The following EEF1D variants were observed in gnomAD, a reference collection of about 807,000 sequenced individuals.
The protein encoded by EEF1D is elongation factor 1-delta.
Under a neutral mutation model 63.9 loss-of-function variants are expected in EEF1D, and 47 were observed. The ratio of observed to expected loss-of-function variants is 0.74; its 90% confidence interval spans 0.58 to 0.94. The LOEUF (loss-of-function observed/expected upper bound fraction) is 0.94, where lower values mean the gene tolerates loss of function less well. Among genes scored for constraint, EEF1D ranks in the 40% least tolerant of loss-of-function variants. The pLI is 0.00. For missense variants in EEF1D, 907 were observed against 899.0 expected, an observed-to-expected ratio of 1.01 and a Z score of -0.11; for synonymous variants, 412 against 386.1, an observed-to-expected ratio of 1.07 and a Z score of -0.79.
chr8:143,592,099 C>A, intron 2 of EEF1D: 1 of 985,180 alleles, frequency 1.0e-6, no homozygotes, highest in Non-Finnish European at 1.2e-6. Context: ...CAAGGCCAGG[C>A]TGATGGGCAG....
chr8:143,593,846 G>C (rs1179779317), intron 1 of EEF1D: 6 of 985,142 alleles, frequency 6.1e-6, no homozygotes, highest in Admixed American at 6.2e-5. Context: ...TCATTTCCCC[G>C]CTTCCCGCAT....
At chr8:143,582,998 C>G (rs892595586) in intron 5 of EEF1D, 1 of 152,280 alleles carries the variant, frequency 6.6e-6, no homozygotes, top group Non-Finnish European at 1.5e-5. Flanking sequence ...CTGCCATGGG[C>G]TGAATAATGT....
At position 143,580,385 on chromosome 8, in the gene EEF1D, C is replaced by T; in HGVS notation, c.1710+121G>A. On this transcript the variant is annotated intron_variant, in intron 8 of 9. Coordinates refer to ENST00000618139, the MANE Select transcript of EEF1D (RefSeq NM_001130053.5). ...CAAGTTTGTGTTTATCCCAAGACTT[C>T]TAAACTCGGCTTTAAAGTCTCCCCA... 3 of 1,334,486 alleles carry T rather than the reference C, an allele frequency of 2.2e-6. No individual in the cohort carries two copies. The Admixed American group carries it at 6.7e-5, about 30-fold the overall frequency. 82.7% of individuals were successfully genotyped at this position (1,334,486 alleles called of 1,614,324 possible).
chr8:143,597,280 C>T (rs1470460652), intron 1 of EEF1D, 68 bp downstream of exon 1: 1 of 152,170 alleles, frequency 6.6e-6, no homozygotes, highest in Non-Finnish European at 1.5e-5. Flanking sequence ...CCCGGGCCGC[C>T]CGCCCTCCCG....
intron 8 of EEF1D, 29 bp from the exon 9 acceptor site, chr8:143,580,235 G>A (rs369730274): frequency 1.9e-6 from 3 of 1,604,696 alleles, no homozygotes; most frequent in Admixed American, 3.4e-5. Context: ...AAAAGCTGGG[G>A]TCAGCCACCC....
intron 2 of EEF1D, 85 bp downstream of exon 2, chr8:143,592,562 G>A (rs920665357): frequency 1.0e-6 from 1 of 972,854 alleles, no homozygotes; most frequent in Non-Finnish European, 1.2e-6. Context: ...CGCAGGTGGT[G>A]CTGGGTTCCC....
Position 143,589,950 on chromosome 8 carries a change from G to T in EEF1D, c.132C>A (p.Ala44=). The T allele has an allele frequency of 6.3e-7, 1 of 1,599,002 alleles. No individual in the cohort carries two copies. The highest frequency in any genetic ancestry group is 8.5e-7 in the Non-Finnish European group (1 of 1,179,004). The change falls in exon 3 of 10, where the codon GCC becomes GCA. Residue 44 remains alanine (A), a synonymous_variant. Coordinates refer to ENST00000618139, the MANE Select transcript of EEF1D (RefSeq NM_001130053.5). ...CGGGCCCATTCATGGCTGGCCCCTC[G>T]GCTGGCAGCTGCTGGGCGGAGGCGG... is the stretch of plus-strand genomic sequence containing the variant. The part of the protein sequence containing the change: ...QAAASAQQLP[A]EGPAMNGPGQ...
chr8:143,596,893 C>T (rs1828927168), intron 1 of EEF1D: 1 of 152,362 alleles, frequency 6.6e-6, no homozygotes, highest in Admixed American at 6.5e-5. Flanking sequence ...GTCTAAGTTC[C>T]AAAAGTGTTG....
At position 143,586,218 on chromosome 8, in the gene EEF1D, C is replaced by T. The variant is rs1294831314; in HGVS notation, c.1287+1G>A. 2 of 1,609,008 alleles carry T rather than the reference C, an allele frequency of 1.2e-6. No homozygotes were observed. Among genetic ancestry groups the T allele is most frequent in the Non-Finnish European group, 1.7e-6 (2 of 1,178,656 alleles). On this transcript the variant is annotated splice_donor_variant, in intron 5 of 9. Coordinates refer to ENST00000618139, the MANE Select transcript of EEF1D (RefSeq NM_001130053.5). LOFTEE classifies it high-confidence loss of function. ...CAGGTCCGTGGGCCGCGGGTACTCA[C>T]TCCAGCCAGGGATTTCTGGATGTTC...
In EEF1D at chr8:143,580,855, G is replaced by A. The variant is rs1326400636; in HGVS notation, c.1489-128C>T. On this transcript the variant is annotated intron_variant, in intron 7 of 9. Coordinates refer to ENST00000618139, the MANE Select transcript of EEF1D (RefSeq NM_001130053.5). ...AGGGCAGCCCCTGTGTACCGCAGCT[G>A]TGTACATGCAGGGCCCCAGGAAAGA... 7.4e-6 allele frequency: 9 copies of A among 1,221,330 alleles called. No homozygotes were observed. The African/African-American group carries it at 8.9e-5, about 12-fold the overall frequency. The allele number at this position is 1,221,330 out of a possible 1,614,324, so 75.7% of individuals were successfully genotyped here.
intron 3 of EEF1D, among the ~76,000 whole-genome samples, chr8:143,588,531 G>A (rs896462356): frequency 1.3e-5 from 2 of 152,194 alleles, no homozygotes; most frequent in African/African-American, 2.4e-5. Context: ...AGGTGACAAG[G>A]AAAGCTGGGG....
At chr8:143,590,108 G>T (rs1827677251) in intron 2 of EEF1D, 27 bp from the exon 3 acceptor site, 4 of 1,598,056 alleles carry the variant, frequency 2.5e-6, no homozygotes, top group Admixed American at 1.7e-5. Flanking sequence ...TAAAAAGCAA[G>T]CAGAGGGCAG....
intron 3 of EEF1D, 39 bp downstream of exon 3, chr8:143,588,952 C>A (rs764715188): frequency 2.5e-6 from 4 of 1,569,930 alleles, no homozygotes; most frequent in Non-Finnish European, 3.4e-6. Context: ...CCTGTGCCCA[C>A]AGCCCAGGCT....
At chr8:143,595,110 A>G (rs1486439897) in intron 1 of EEF1D, among the ~76,000 whole-genome samples, 1 of 150,532 alleles carries the variant, frequency 6.6e-6, no homozygotes, top group Non-Finnish European at 1.5e-5. Context: ...TCACTCTGTC[A>G]CCAGGCTGGA....
intron 7 of EEF1D, 130 bp from the exon 8 acceptor site, chr8:143,580,857 G>A: frequency 8.3e-7 from 1 of 1,200,480 alleles, no homozygotes; most frequent in Non-Finnish European, 1.2e-6. Flanking sequence ...CCGCAGCTGT[G>A]TACATGCAGG....
Position 143,586,297 on chromosome 8 carries a change from A to G in EEF1D, c.1216-7T>C. On this transcript the variant is annotated splice_region_variant and splice_polypyrimidine_tract_variant and intron_variant, in intron 4 of 9. Transcript: ENST00000618139. The stretch of plus-strand genomic sequence containing the variant: ...TCACGCTGGCGCCGTTCTCCTGCAG[A>G]CAGTGCAGAAAGAACCAGTCTTTTT... 2 of 1,584,078 alleles carry G rather than the reference A, an allele frequency of 1.3e-6. No individual in the cohort carries two copies. The highest frequency in any genetic ancestry group is 2.3e-5 in the South Asian group (2 of 86,956).
intron 9 of EEF1D, 67 bp from the exon 10 acceptor site, chr8:143,579,897 CT>C: frequency 6.5e-7 from 1 of 1,541,720 alleles, no homozygotes; most frequent in Non-Finnish European, 8.8e-7. Flanking sequence ...CAGGAGCCTC[CT>C]CTGAGGTGGG....
rs781691835 is a variant in EEF1D, at chr8:143,586,823, T to C, written c.1121A>G (p.His374Arg). ...NRKMATNFLAHEKIWFDKFKY... is the reference protein window; with the variant it reads ...NRKMATNFLAREKIWFDKFKY... ...GAACTTGTCGAACCAGATCTTCTCA[T>C]GTGCTAGGAAGTTTGTAGCCATTTT... Residue 374 changes from histidine to arginine, a missense_variant, in exon 4 of 10, where the codon CAT becomes CGT. Coordinates refer to ENST00000618139, the MANE Select transcript of EEF1D (RefSeq NM_001130053.5). 31 of 1,614,058 alleles carry C rather than the reference T, an allele frequency of 1.9e-5. No individual in the cohort carries two copies. The highest frequency in any genetic ancestry group is 4.0e-5 in the African/African-American group (3 of 74,932).
chr8:143,590,566 G>A, intron 2 of EEF1D: 1 of 1,096,260 alleles, frequency 9.1e-7, no homozygotes, highest in South Asian at 3.6e-5. Context: ...GGCTGTCCTG[G>A]CCACACCACT....
Sources: gnomAD v4.1 joint callset for allele counts (sites outside exome capture counted in the v4.1 genomes callset) on GRCh38, gnomAD v4.1.1 for gene constraint, MANE v1.5 for transcripts, NCBI Gene and HGNC (gene_info 2026-07-23, HGNC 2026-07-21) for gene names.